APBB1IP: variants seen among roughly 807,000 people sequenced by gnomAD.
The protein encoded by APBB1IP is amyloid beta A4 precursor protein-binding family B member 1-interacting protein.
Under a neutral mutation model 64.9 loss-of-function variants are expected in APBB1IP, and 27 were observed. The observed-to-expected ratio is 0.42, with a 90% CI of 0.31 to 0.57. The LOEUF (loss-of-function observed/expected upper bound fraction) is 0.57. Ranked by LOEUF, APBB1IP falls within the 20% of genes least tolerant of loss-of-function variation. The pLI is 0.20. For synonymous variants in APBB1IP, 392 were observed against 331.0 expected (o/e 1.18, Z -2.00); for missense variants, 812 against 845.5 (o/e 0.96, Z 0.49).
intron 8 of APBB1IP, among the ~76,000 whole-genome samples, chr10:26,525,701 T>C (rs975019285): frequency 1.3e-5 from 2 of 152,060 alleles, no homozygotes; most frequent in African/African-American, 4.8e-5. Flanking sequence ...AAAAGACAGA[T>C]TACCAACAAC....
chr10:26,555,569 A>G (rs1451484553), intron 11 of APBB1IP, among the ~76,000 whole-genome samples: 1 of 152,148 alleles, frequency 6.6e-6, no homozygotes, highest in African/African-American at 2.4e-5. Context: ...TTGCCCAATT[A>G]ACACATGAGC....
chr10:26,555,626 A>G (rs1457365242), intron 11 of APBB1IP, among the ~76,000 whole-genome samples: 1 of 152,070 alleles, frequency 6.6e-6, no homozygotes. Flanking sequence ...TGTTTGAGGT[A>G]GGGTCTCCTC....
intron 2 of APBB1IP, among the ~76,000 whole-genome samples, chr10:26,445,111 AAAAGAAAGAAAGAAAGAAAAGAAAG>A (rs1341735406): frequency 2.2e-4 from 24 of 108,884 alleles, no homozygotes; most frequent in Non-Finnish European, 4.1e-4. Context: ...AAAAAAGAGG[AAAAGAAAGAAAGAAAGAAAAGAAAG>A]AAAGAAAGAA....
Position 26,516,543 on chromosome 10 carries a change from C to CAAA in APBB1IP, c.813+2899_813+2901dup, listed in dbSNP as rs71401901. Among the ~76,000 whole-genome samples, 380 of 47,186 alleles carry CAAA rather than the reference C, an allele frequency of 8.1e-3. 37 individuals carry two copies. In the East Asian group the frequency reaches 0.082, roughly 10 times the overall value. 31.0% of individuals were successfully genotyped at this position (47,186 alleles called of 152,430 possible). A position where few individuals can be genotyped will look rare whatever the true frequency, so the allele number is the denominator to read the frequency against. On this transcript the variant is annotated intron_variant, in intron 8 of 14. Transcript: ENST00000376236. ...TGGGTGACAGAGCAAGACTCCATCT[C>CAAA]AAAAAAAAAAAAAAAAAAGTAAAGC... is the stretch of plus-strand genomic sequence containing the variant.
chr10:26,448,564 TG>T (rs1835427152), intron 2 of APBB1IP, among the ~76,000 whole-genome samples: 1 of 152,214 alleles, frequency 6.6e-6, no homozygotes, highest in African/African-American at 2.4e-5. Flanking sequence ...GGATATTAGG[TG>T]AATTCTAAAG....
chr10:26,481,508 A>G (rs1309396514), intron 2 of APBB1IP, among the ~76,000 whole-genome samples: 2 of 152,130 alleles, frequency 1.3e-5, no homozygotes, highest in African/African-American at 4.8e-5. Context: ...TTTTAGAGAC[A>G]GGGTCACACT....
At chr10:26,510,732 T>TCACACACACA (rs1491206953) in intron 6 of APBB1IP, among the ~76,000 whole-genome samples, 49 of 109,362 alleles carry the variant, frequency 4.5e-4, no homozygotes, top group African/African-American at 1.4e-3. Context: ...CAAGACCCTG[T>TCACACACACA]CTCACACACA....
In APBB1IP at chr10:26,551,176, C is replaced by T. The variant is rs1283376650; in HGVS notation, c.1156-8929C>T. On this transcript the variant is annotated intron_variant, in intron 11 of 14. Coordinates refer to ENST00000376236, the MANE Select transcript of APBB1IP (RefSeq NM_019043.4). ...GCCACTGCCAAATTTGTCCACCTGGCTGCTGCTAGCCCCACTCCCTCTCTT... is the reference window on the plus strand; with the variant it reads ...GCCACTGCCAAATTTGTCCACCTGGTTGCTGCTAGCCCCACTCCCTCTCTT... Among the ~76,000 whole-genome samples the T allele has an allele frequency of 2.0e-5, 3 of 152,242 alleles. No individual in the cohort carries two copies. In the East Asian group the frequency reaches 5.8e-4, roughly 29 times the overall value.
At chr10:26,484,217 A>G (rs1004040719) in intron 2 of APBB1IP, among the ~76,000 whole-genome samples, 3 of 152,182 alleles carry the variant, frequency 2.0e-5, no homozygotes, top group Non-Finnish European at 4.4e-5. Flanking sequence ...AACTCTGTAA[A>G]CCCAAAACTT....
intron 7 of APBB1IP, 29 bp from the exon 8 acceptor site, chr10:26,513,510 T>G: frequency 6.2e-7 from 1 of 1,610,142 alleles, no homozygotes; most frequent in Non-Finnish European, 8.5e-7. Flanking sequence ...GTCTTGGGTC[T>G]GAAAGAATAC....
At chr10:26,442,975 C>T (rs1246682835) in intron 2 of APBB1IP, among the ~76,000 whole-genome samples, 1 of 152,130 alleles carries the variant, frequency 6.6e-6, no homozygotes, top group Non-Finnish European at 1.5e-5. Flanking sequence ...GCAGCTTGTG[C>T]TGTTCAGTAA....
intron 2 of APBB1IP, among the ~76,000 whole-genome samples, chr10:26,440,338 A>G (rs1202669772): frequency 1.3e-5 from 2 of 152,326 alleles, no homozygotes; most frequent in Admixed American, 6.5e-5. Flanking sequence ...ATTGGTCCCA[A>G]CTGGAATACT....
chr10:26,444,838 C>T (rs1303929142), intron 2 of APBB1IP, among the ~76,000 whole-genome samples: 2 of 152,126 alleles, frequency 1.3e-5, no homozygotes, highest in Non-Finnish European at 2.9e-5. Context: ...GTGGCTCACG[C>T]CTGTAATCCC....
At chr10:26,492,557 C>T (rs7907163) in intron 3 of APBB1IP, among the ~76,000 whole-genome samples, 159 bp downstream of exon 3, 25,140 of 151,980 alleles carry the variant, frequency 0.17, 2,253 homozygotes, top group Middle Eastern at 0.22. Flanking sequence ...CCCTAAGTGA[C>T]GGCGGGTCTG....
intron 6 of APBB1IP, among the ~76,000 whole-genome samples, chr10:26,505,217 G>A (rs573806285): frequency 5.3e-5 from 8 of 152,266 alleles, no homozygotes; most frequent in South Asian, 2.1e-4. Flanking sequence ...AATACCTGCC[G>A]ATGGATGGAT....
intron 14 of APBB1IP, among the ~76,000 whole-genome samples, chr10:26,563,052 C>CTGAT (rs1290480153): frequency 6.6e-6 from 1 of 152,172 alleles, no homozygotes; most frequent in Non-Finnish European, 1.5e-5. Context: ...TTAGCCCTCT[C>CTGAT]TGATAGTAGC....
chr10:26,559,763 C>T lies in APBB1IP; in HGVS notation c.1156-342C>T, dbSNP rs558282167. ...CCTCCCGAGTAGCTGGGACTACAGG[C>T]ACCCGCCACCATGCCCAGCTAATTT... On this transcript the variant is annotated intron_variant, in intron 11 of 14. Coordinates refer to ENST00000376236, the MANE Select transcript of APBB1IP (RefSeq NM_019043.4). Among the ~76,000 whole-genome samples, 6 of 151,840 alleles carry T rather than the reference C, an allele frequency of 4.0e-5. No homozygotes were observed. The East Asian group carries it at 1.2e-3, about 29-fold the overall frequency.
chr10:26,541,242 C>T (rs1340233671), intron 10 of APBB1IP, among the ~76,000 whole-genome samples: 1 of 152,104 alleles, frequency 6.6e-6, no homozygotes, highest in African/African-American at 2.4e-5. Flanking sequence ...TGTTTTGATA[C>T]ATATAATGTA....
chr10:26,469,094 CTT>C (rs34751713), intron 2 of APBB1IP, among the ~76,000 whole-genome samples: 19 of 145,584 alleles, frequency 1.3e-4, no homozygotes, highest in East Asian at 6.0e-4. Flanking sequence ...TTTTCTTCTT[CTT>C]TTTTTTTTTT....
Sources: gnomAD v4.1 joint callset for allele counts (sites outside exome capture counted in the v4.1 genomes callset) on GRCh38, gnomAD v4.1.1 for gene constraint, MANE v1.5 for transcripts, NCBI Gene and HGNC (gene_info 2026-07-23, HGNC 2026-07-21) for gene names.